The following COL25A1 variants were observed in gnomAD, a reference collection of about 807,000 sequenced individuals.
COL25A1 encodes collagen type XXV alpha 1 chain.
A neutral mutation model predicts 128.4 loss-of-function variants in COL25A1; 103 were observed. The observed-to-expected ratio is 0.80, with a 90% CI of 0.68 to 0.94. COL25A1 has a LOEUF of 0.94. Among genes scored for constraint, COL25A1 ranks in the 40% least tolerant of loss-of-function variants. COL25A1 has a pLI of 0.00. For missense variants in COL25A1, 745 were observed against 840.0 expected, an observed-to-expected ratio of 0.89 and a Z score of 1.40; for synonymous variants, 279 against 277.2, an observed-to-expected ratio of 1.01 and a Z score of -0.06.
intron 3 of COL25A1, among the ~76,000 whole-genome samples, chr4:109,244,999 A>G (rs1272797567): frequency 6.6e-6 from 1 of 152,146 alleles, no homozygotes; most frequent in African/African-American, 2.4e-5. Context: ...GATTTTTAAA[A>G]GTAAACCTCC....
At chr4:109,151,255 T>C (rs965246143) in intron 3 of COL25A1, among the ~76,000 whole-genome samples, 1 of 152,112 alleles carries the variant, frequency 6.6e-6, no homozygotes, top group Non-Finnish European at 1.5e-5. Flanking sequence ...CTGCTGCAAG[T>C]TACCTATAGA....
Position 108,831,687 on chromosome 4 carries a change from G to GGAGAGA in COL25A1, c.1710+687_1710+692dup, listed in dbSNP as rs3062875. Among the ~76,000 whole-genome samples, 306 of 144,298 alleles carry GGAGAGA rather than the reference G, an allele frequency of 2.1e-3. 1 individual carries two copies. The highest frequency in any genetic ancestry group is 0.011 in the Middle Eastern group (3 of 278). 94.7% of individuals were successfully genotyped at this position (144,298 alleles called of 152,430 possible). ...GAGAAAAACAGAAAGAGAGAGAGGGGGAGAGAGAGAGAGAGAGAGAGAGAG... is the reference window on the plus strand; with the variant it reads ...GAGAAAAACAGAAAGAGAGAGAGGGGGAGAGAGAGAGAGAGAGAGAGAGAGAGAGAG... On this transcript the variant is annotated intron_variant, in intron 32 of 37. Transcript: ENST00000399132.
At chr4:109,177,834 C>G (rs1414812249) in intron 3 of COL25A1, among the ~76,000 whole-genome samples, 5 of 152,150 alleles carry the variant, frequency 3.3e-5, no homozygotes, top group Non-Finnish European at 7.4e-5. Flanking sequence ...TTTAGGGGTG[C>G]CTCTATAGCA....
chr4:108,844,572 G>A lies in COL25A1; in HGVS notation c.1579-3C>T. The A allele has an allele frequency of 6.2e-7, 1 of 1,607,718 alleles. No homozygotes were observed. The highest frequency in any genetic ancestry group is 2.2e-5 in the East Asian group (1 of 44,848). On this transcript the variant is annotated splice_region_variant and splice_polypyrimidine_tract_variant and intron_variant, in intron 29 of 37. Transcript: ENST00000399132. ...GGTGGGCCTGGTGGGCCTATGATCT[G>A]TATGTCCAAAAAATAAAAATGTATT...
chr4:109,219,183 A>G (rs1190249630), intron 3 of COL25A1, among the ~76,000 whole-genome samples: 4 of 152,134 alleles, frequency 2.6e-5, no homozygotes, highest in African/African-American at 9.7e-5. Context: ...AAACTACCAA[A>G]TCACAATAAA....
intron 15 of COL25A1, among the ~76,000 whole-genome samples, chr4:108,897,587 TTA>T (rs1297612038): frequency 4.6e-5 from 7 of 152,180 alleles, no homozygotes; most frequent in African/African-American, 1.2e-4. Flanking sequence ...ATTTACACAG[TTA>T]TAAGAAATAA....
chr4:108,927,378 G>GTTAGGAAA (rs1746194962), intron 11 of COL25A1, among the ~76,000 whole-genome samples: 2 of 151,964 alleles, frequency 1.3e-5, no homozygotes, highest in Admixed American at 1.3e-4. Flanking sequence ...AATAATTATT[G>GTTAGGAAA]ACTAAATGGA....
rs945689986 is a variant in COL25A1 at position 108,812,891 on chromosome 4, T to A, written c.*1036A>T. The A allele has an allele frequency of 6.6e-6, 1 of 152,202 alleles. No homozygotes were observed. Among genetic ancestry groups the A allele is most frequent in the Non-Finnish European group, 1.5e-5 (1 of 68,036 alleles). 9.4% of individuals were successfully genotyped at this position (152,202 alleles called of 1,614,324 possible). ...AACCCAAGTTTTGGTGGGATGGACA[T>A]CCCTTTTCCCTCAGGGACAGGATCT... On this transcript the variant is annotated 3_prime_UTR_variant, in exon 38 of 38. Transcript: ENST00000399132.
intron 3 of COL25A1, among the ~76,000 whole-genome samples, chr4:109,140,718 G>A (rs1045581297): frequency 2.0e-5 from 3 of 152,104 alleles, no homozygotes; most frequent in African/African-American, 7.2e-5. Flanking sequence ...GTTCACTCTT[G>A]ATTTGGCTCT....
At chr4:109,267,763 A>G (rs1781889425) in intron 3 of COL25A1, among the ~76,000 whole-genome samples, 1 of 152,150 alleles carries the variant, frequency 6.6e-6, no homozygotes, top group South Asian at 2.1e-4. Flanking sequence ...CTCAACTGTA[A>G]GTATATAATG....
chr4:109,010,548 G>T (rs1319119147), intron 5 of COL25A1, among the ~76,000 whole-genome samples, 173 bp from the exon 6 acceptor site: 2 of 152,090 alleles, frequency 1.3e-5, no homozygotes, highest in Non-Finnish European at 2.9e-5. Flanking sequence ...CATCCTGCTA[G>T]TTTTACTTTA....
chr4:108,913,261 CTTTTTTTTT>C (rs201929872), intron 13 of COL25A1, among the ~76,000 whole-genome samples: 2 of 92,396 alleles, frequency 2.2e-5, no homozygotes, highest in African/African-American at 7.0e-5. Flanking sequence ...TCTCTAGCTC[CTTTTTTTTT>C]TTTTTTTTTT....
At chr4:109,245,864 G>A (rs1335937465) in intron 3 of COL25A1, among the ~76,000 whole-genome samples, 1 of 152,126 alleles carries the variant, frequency 6.6e-6, no homozygotes, top group Non-Finnish European at 1.5e-5. Flanking sequence ...CACACCACAT[G>A]ATAGGGATTT....
In COL25A1 at chr4:108,810,395, C is replaced by T. The variant is rs938998277; in HGVS notation, c.*3532G>A. 2.0e-5 allele frequency: 3 copies of T among 151,656 alleles called. No individual in the cohort carries two copies. The highest frequency in any genetic ancestry group is 1.9e-4 in the East Asian group (1 of 5,182). 9.4% of individuals were successfully genotyped at this position (151,656 alleles called of 1,614,324 possible). On this transcript the variant is annotated 3_prime_UTR_variant, in exon 38 of 38. Transcript: ENST00000399132. ...AGTTCTTGCTGTCCCATCAGAACAT[C>T]GTATGCACAGAATGTAAATTCAAAA...
chr4:109,298,163 AAAATT>A (rs1342002578), intron 3 of COL25A1, among the ~76,000 whole-genome samples: 2 of 152,044 alleles, frequency 1.3e-5, no homozygotes, highest in African/African-American at 2.4e-5. Context: ...GGTCATTGTG[AAAATT>A]AAATTAGAGA....
intron 3 of COL25A1, among the ~76,000 whole-genome samples, chr4:109,085,667 A>G (rs1273866046): frequency 1.3e-5 from 2 of 152,214 alleles, no homozygotes; most frequent in Non-Finnish European, 2.9e-5. Context: ...TCCCTGCAAT[A>G]TCTACCATAT....
intron 3 of COL25A1, among the ~76,000 whole-genome samples, chr4:109,181,234 G>A (rs931429925): frequency 6.6e-6 from 1 of 152,090 alleles, no homozygotes; most frequent in Non-Finnish European, 1.5e-5. Context: ...AGACTCCCTT[G>A]AGGATCTGAA....
intron 3 of COL25A1, among the ~76,000 whole-genome samples, chr4:109,192,254 G>T (rs1337031667): frequency 6.6e-6 from 1 of 152,132 alleles, no homozygotes; most frequent in Admixed American, 6.5e-5. Flanking sequence ...AAGGAAAAAA[G>T]ATCTCGGCAT....
intron 3 of COL25A1, among the ~76,000 whole-genome samples, chr4:109,100,904 C>G (rs1034293612): frequency 1.3e-5 from 2 of 152,108 alleles, no homozygotes; most frequent in Non-Finnish European, 1.5e-5. Flanking sequence ...GACATTCAGG[C>G]AGTGATGGTT....
Sources: allele counts gnomAD v4.1 joint callset (sites outside exome capture counted in the v4.1 genomes callset), GRCh38; gene constraint gnomAD v4.1.1; transcripts MANE v1.5; gene names NCBI Gene and HGNC (gene_info 2026-07-23, HGNC 2026-07-21).